The following EPB41 variants were observed in gnomAD, a reference collection of about 807,000 sequenced individuals.
EPB41 encodes the protein protein 4.1.
EPB41 carries 65 observed loss-of-function variants against 108.0 expected under a neutral mutation model. The observed-to-expected ratio is 0.60, with a 90% CI of 0.49 to 0.74. The LOEUF (loss-of-function observed/expected upper bound fraction) is 0.74. EPB41 is among the 30% of genes least tolerant of loss of function. The probability of loss-of-function intolerance (pLI) is 0.00; values close to 1 mark genes in which losing one functional copy is unlikely to be tolerated. For missense variants in EPB41, 875 were observed against 1,037.0 expected, an observed-to-expected ratio of 0.84 and a Z score of 2.15; for synonymous variants, 336 against 358.9, an observed-to-expected ratio of 0.94 and a Z score of 0.72.
At chr1:29,030,322 T>TATATATATA in intron 7 of EPB41, 78 bp from the exon 8 acceptor site, 2 of 1,124,164 alleles carry the variant, frequency 1.8e-6, no homozygotes, top group South Asian at 2.5e-5. Context: ...GTGTTTAAAA[T>TATATATATA]ACAGTGAATA....
At chr1:29,041,355 C>T (rs1304011590) in intron 11 of EPB41, 1 of 151,958 alleles carries the variant, frequency 6.6e-6, no homozygotes, top group Non-Finnish European at 1.5e-5. Flanking sequence ...TGGCGCACGC[C>T]TGTAATCCCA....
intron 10 of EPB41, among the ~76,000 whole-genome samples, chr1:29,037,586 CTT>C (rs56926337): frequency 2.0e-4 from 29 of 142,770 alleles, no homozygotes; most frequent in Non-Finnish European, 1.9e-4. Flanking sequence ...ATCAGTTTGC[CTT>C]TTTTTTTTTT....
At chr1:29,083,524 C>T (rs751594596) in intron 16 of EPB41, among the ~76,000 whole-genome samples, 1 of 152,152 alleles carries the variant, frequency 6.6e-6, no homozygotes, top group Non-Finnish European at 1.5e-5. Flanking sequence ...GCTCCTACTG[C>T]TTGACTTGTC....
intron 12 of EPB41, among the ~76,000 whole-genome samples, chr1:29,057,996 T>C (rs111346250): frequency 6.6e-6 from 1 of 152,358 alleles, no homozygotes; most frequent in Admixed American, 6.5e-5. Flanking sequence ...TTGGGTTTAT[T>C]GTAATGTTTT....
intron 16 of EPB41, among the ~76,000 whole-genome samples, chr1:29,093,019 T>C (rs563698841): frequency 4.9e-4 from 75 of 152,338 alleles, no homozygotes; most frequent in African/African-American, 1.7e-3. Context: ...AACATACACA[T>C]GCATGTGTCT....
chr1:28,967,013 C>CTTTTTTTTTTTTTTTTTTTTTT (rs71586876), intron 1 of EPB41, among the ~76,000 whole-genome samples: 1 of 85,368 alleles, frequency 1.2e-5, no homozygotes, highest in Non-Finnish European at 2.1e-5. Flanking sequence ...ATATGAGAAC[C>CTTTTTTTTTTTTTTTTTTTTTT]TTTTTTTTTT....
upstream of EPB41, among the ~76,000 whole-genome samples, chr1:28,913,311 G>C (rs1023572968): frequency 9.2e-5 from 14 of 152,084 alleles, no homozygotes; most frequent in Non-Finnish European, 2.1e-4. Context: ...GGTGGTACAC[G>C]CCTGTAGTCC....
intron 1 of EPB41, among the ~76,000 whole-genome samples, chr1:28,961,438 A>G (rs2095209531): frequency 6.6e-6 from 1 of 152,212 alleles, no homozygotes; most frequent in Admixed American, 6.5e-5. Context: ...AAAGTAGCAC[A>G]CTAAAGCTTA....
chr1:28,977,383 A>G (rs2095631799), intron 1 of EPB41, among the ~76,000 whole-genome samples: 1 of 143,656 alleles, frequency 7.0e-6, no homozygotes, highest in Non-Finnish European at 1.5e-5. Flanking sequence ...CAGTCTGTTC[A>G]GTATGTTTTT....
At chr1:28,929,519 TGCGCCCG>T (rs1251103858) in intron 1 of EPB41, among the ~76,000 whole-genome samples, 20 of 142,406 alleles carry the variant, frequency 1.4e-4, no homozygotes, top group African/African-American at 5.0e-4. Context: ...CGTGAGCCAC[TGCGCCCG>T]GCCAATTTTT....
intron 1 of EPB41, among the ~76,000 whole-genome samples, chr1:28,919,755 C>G (rs528985247): frequency 6.6e-6 from 1 of 152,236 alleles, no homozygotes; most frequent in East Asian, 1.9e-4. Context: ...GCATCCAGCC[C>G]AAAAGTCCTT....
intron 16 of EPB41, among the ~76,000 whole-genome samples, chr1:29,083,305 A>G (rs1365024187): frequency 1.3e-5 from 2 of 152,210 alleles, no homozygotes; most frequent in South Asian, 2.1e-4. Flanking sequence ...TTGCTAGCCC[A>G]TGGTTACTCT....
Position 29,015,710 on chromosome 1 carries a change from C to T in EPB41, c.848C>T (p.Thr283Ile), listed in dbSNP as rs189183599. The change falls in exon 6 of 21, where the codon ACA becomes ATA. Residue 283 changes from threonine (T) to isoleucine (I), a missense_variant. Thr to Ile is a moderately conservative substitution (Grantham distance 89). Around this residue, in one of 3 missense-constraint regions of EPB41, gnomAD observed 353 missense variants for 393.2 expected, o/e 0.90. Coordinates refer to ENST00000343067, the MANE Select transcript of EPB41 (RefSeq NM_001376013.1). ...TTTATAGGTGTCCCTTGGAATTTTA[C>T]ATTTAATGTAAAGTTTTATCCACCT... ...KQVRGVPWNF[T>I]FNVKFYPPDP... 434 of 1,608,406 alleles carry T rather than the reference C, an allele frequency of 2.7e-4. 3 individuals are homozygous for T. The East Asian group carries it at 7.8e-3, about 29-fold the overall frequency.
intron 11 of EPB41, among the ~76,000 whole-genome samples, chr1:29,047,766 TTATGTATG>T (rs568654460): frequency 4.0e-5 from 6 of 151,550 alleles, no homozygotes; most frequent in African/African-American, 1.5e-4. Flanking sequence ...AATTGACAAT[TTATGTATG>T]TATGTATGTA....
At position 28,972,589 on chromosome 1, in the gene EPB41, C is replaced by T. The variant is rs139187144; in HGVS notation, c.-7-14842C>T. On this transcript the variant is annotated intron_variant, in intron 1 of 20. Coordinates refer to ENST00000343067, the MANE Select transcript of EPB41 (RefSeq NM_001376013.1). ...CATGCTCAGTGACATTCCTGATTCA[C>T]TCAGTATGGCAAGCAGTTTTTTTTT... is the stretch of plus-strand genomic sequence containing the variant. 7.1e-3 allele frequency among the ~76,000 whole-genome samples: 1,081 copies of T among 151,960 alleles called. 15 individuals are homozygous for T. Among genetic ancestry groups the T allele is most frequent in the African/African-American group, 0.022 (931 of 41,412 alleles).
At chr1:28,915,521 A>T (rs1163895349) in intron 1 of EPB41, among the ~76,000 whole-genome samples, 1 of 152,020 alleles carries the variant, frequency 6.6e-6, no homozygotes, top group Non-Finnish European at 1.5e-5. Context: ...CTCCCCAAGA[A>T]CAGGCATTCT....
At chr1:29,074,887 G>A (rs1451889639) in intron 16 of EPB41, among the ~76,000 whole-genome samples, 4 of 152,132 alleles carry the variant, frequency 2.6e-5, no homozygotes, top group Non-Finnish European at 5.9e-5. Flanking sequence ...GTCCAGGCGC[G>A]GTGGCTCACG....
At chr1:28,905,818 CTTTTTT>C in intron 1 of EPB41, among the ~76,000 whole-genome samples, 1 of 133,870 alleles carries the variant, frequency 7.5e-6, no homozygotes, top group Non-Finnish European at 1.6e-5. Flanking sequence ...TTCTTTCTTT[CTTTTTT>C]TTTTTTTTTT....
intron 15 of EPB41, among the ~76,000 whole-genome samples, chr1:29,061,598 TGAGGCGGG>T (rs1646586047): frequency 6.9e-6 from 1 of 145,168 alleles, no homozygotes; most frequent in Non-Finnish European, 1.5e-5. Flanking sequence ...TTTTTTTTTT[TGAGGCGGG>T]TCTCACAGTG....
Sources: gnomAD v4.1 joint callset for allele counts (sites outside exome capture counted in the v4.1 genomes callset) on GRCh38, gnomAD v4.1.1 for gene constraint, gnomAD v4.1.1 regional missense constraint, MANE v1.5 for transcripts, NCBI Gene and HGNC (gene_info 2026-07-23, HGNC 2026-07-21) for gene names.